Variants in CDK19 observed in about 807,000 individuals in gnomAD.
The protein encoded by CDK19 is cyclin dependent kinase 19.
CDK19 carries 20 observed loss-of-function variants against 68.3 expected under a neutral mutation model. That is an observed-to-expected ratio of 0.29 (90% CI 0.21 to 0.43). CDK19 has a LOEUF of 0.43. CDK19 is among the 20% of genes least tolerant of loss of function. The probability of loss-of-function intolerance (pLI) is 1.00; values close to 1 mark genes in which losing one functional copy is unlikely to be tolerated. For synonymous variants in CDK19, 221 were observed against 222.8 expected (o/e 0.99, Z 0.07); for missense variants, 339 against 623.5 (o/e 0.54, Z 4.86).
chr6:110,664,721 A>G (rs544715431), intron 4 of CDK19, among the ~76,000 whole-genome samples: 2 of 152,286 alleles, frequency 1.3e-5, no homozygotes, highest in African/African-American at 4.8e-5. Context: ...AGATGTTCTA[A>G]GAGATCTCTA....
intron 1 of CDK19, among the ~76,000 whole-genome samples, chr6:110,775,394 C>G (rs1780328924): frequency 6.6e-6 from 1 of 152,082 alleles, no homozygotes; most frequent in Non-Finnish European, 1.5e-5. Context: ...TAAAAACAGA[C>G]CTAGAAGAGG....
chr6:110,733,071 T>A (rs2114806103), intron 2 of CDK19, among the ~76,000 whole-genome samples: 1 of 152,226 alleles, frequency 6.6e-6, no homozygotes, highest in South Asian at 2.1e-4. Context: ...AACATTTTCA[T>A]TACCCTGTAA....
intron 4 of CDK19, among the ~76,000 whole-genome samples, chr6:110,655,830 C>T (rs1781278168): frequency 6.6e-6 from 1 of 152,162 alleles, no homozygotes; most frequent in South Asian, 2.1e-4. Flanking sequence ...CTTTCTTTAA[C>T]AAAAACCTGA....
At chr6:110,692,635 A>G (rs1773108876) in intron 2 of CDK19, among the ~76,000 whole-genome samples, 2 of 152,306 alleles carry the variant, frequency 1.3e-5, no homozygotes, top group South Asian at 4.1e-4. Flanking sequence ...AGAAGCACAA[A>G]GAACTCCTGG....
chr6:110,629,860 A>T (rs147320907), intron 6 of CDK19, among the ~76,000 whole-genome samples: 1 of 152,328 alleles, frequency 6.6e-6, no homozygotes, highest in East Asian at 1.9e-4. Context: ...ATTAGTGATT[A>T]TGTTTTTATC....
At chr6:110,678,231 C>T (rs1410143530) in intron 2 of CDK19, among the ~76,000 whole-genome samples, 1 of 152,008 alleles carries the variant, frequency 6.6e-6, no homozygotes, top group Non-Finnish European at 1.5e-5. Context: ...TAAGTGATCT[C>T]ATCTAGTCTG....
chr6:110,734,506 A>C (rs1777041224), intron 2 of CDK19, among the ~76,000 whole-genome samples: 1 of 73,194 alleles, frequency 1.4e-5, no homozygotes, highest in Admixed American at 1.9e-4. Context: ...GATAAAACTA[A>C]GAGGGTGAGC....
At chr6:110,729,260 G>T (rs1776569144) in intron 2 of CDK19, among the ~76,000 whole-genome samples, 1 of 152,052 alleles carries the variant, frequency 6.6e-6, no homozygotes, top group African/African-American at 2.4e-5. Context: ...ACCATTGCTT[G>T]TAGAACTAAA....
At position 110,763,957 on chromosome 6, in the gene CDK19, G is replaced by A. The variant is rs1267789946; in HGVS notation, c.129-17756C>T. On this transcript the variant is annotated intron_variant, in intron 1 of 12. Coordinates refer to ENST00000368911, the MANE Select transcript of CDK19 (RefSeq NM_015076.5). ...AAGTCAATTGTTTTATTATATACCA[G>A]CAATAAAAAATTGCAGTTGGAAATT... Among the ~76,000 whole-genome samples, 4 of 151,944 alleles carry A rather than the reference G, an allele frequency of 2.6e-5. No homozygotes were observed. In the East Asian group the frequency reaches 7.7e-4, roughly 29 times the overall value.
At chr6:110,648,542 T>C (rs990313871) in intron 4 of CDK19, among the ~76,000 whole-genome samples, 12 of 143,624 alleles carry the variant, frequency 8.4e-5, no homozygotes, top group Non-Finnish European at 1.4e-4. Flanking sequence ...TCTTTTCTTT[T>C]TTTTTTTTTT....
intron 12 of CDK19, among the ~76,000 whole-genome samples, chr6:110,619,022 GA>G (rs1308867444): frequency 2.0e-5 from 3 of 152,142 alleles, no homozygotes; most frequent in Non-Finnish European, 1.5e-5. Context: ...AGAGTGAAAG[GA>G]AAGTTTTTCC....
rs75226189 is a variant in CDK19 at position 110,683,877 on chromosome 6, A to AT, written c.205-13337dup. The stretch of plus-strand genomic sequence containing the variant: ...CCACCATGTCTAGCTCATTTTTTGT[A>AT]TTTTTTTTTTTTTTAGTGGAGATGG... On this transcript the variant is annotated intron_variant, in intron 2 of 12. Coordinates refer to ENST00000368911, the MANE Select transcript of CDK19 (RefSeq NM_015076.5). Among the ~76,000 whole-genome samples the AT allele has an allele frequency of 2.8e-3, 373 of 131,760 alleles. 1 individual carries two copies. The highest frequency in any genetic ancestry group is 5.0e-3 in the African/African-American group (179 of 35,688). 86.4% of individuals were successfully genotyped at this position (131,760 alleles called of 152,430 possible). A position where few individuals can be genotyped will look rare whatever the true frequency, so the allele number is the denominator to read the frequency against.
chr6:110,646,755 G>A (rs1256097635), intron 4 of CDK19, among the ~76,000 whole-genome samples: 2 of 152,124 alleles, frequency 1.3e-5, no homozygotes, highest in Non-Finnish European at 2.9e-5. Flanking sequence ...CTGTTCCACT[G>A]CGCACGGTTG....
chr6:110,622,657 T>C (rs192016478), intron 10 of CDK19, among the ~76,000 whole-genome samples, 158 bp downstream of exon 10: 204 of 152,332 alleles, frequency 1.3e-3, no homozygotes, highest in East Asian at 8.9e-3. Context: ...CTCTGCAGCT[T>C]TGCCTGTTTC....
chr6:110,633,236 G>C (rs1779558328), intron 5 of CDK19, among the ~76,000 whole-genome samples: 1 of 151,862 alleles, frequency 6.6e-6, no homozygotes, highest in Admixed American at 6.6e-5. Context: ...ACAAACAAGA[G>C]ACAGAGCAAG....
chr6:110,675,555 A>G (rs1338032777), intron 2 of CDK19, among the ~76,000 whole-genome samples: 2 of 138,794 alleles, frequency 1.4e-5, no homozygotes, highest in African/African-American at 5.3e-5. Context: ...TGAACCTGGG[A>G]GGCGGAAGTT....
At chr6:110,739,708 G>A (rs557673662) in intron 2 of CDK19, among the ~76,000 whole-genome samples, 4 of 151,358 alleles carry the variant, frequency 2.6e-5, no homozygotes, top group Non-Finnish European at 5.9e-5. Context: ...GTAACTCACT[G>A]TAACCTCTAA....
intron 4 of CDK19, among the ~76,000 whole-genome samples, chr6:110,648,700 C>T (rs1289413882): frequency 6.6e-6 from 1 of 151,744 alleles, no homozygotes; most frequent in Non-Finnish European, 1.5e-5. Context: ...GCCACCACAC[C>T]TGGCTAATTT....
intron 4 of CDK19, among the ~76,000 whole-genome samples, chr6:110,653,600 G>T (rs1054705837): frequency 6.6e-6 from 1 of 152,178 alleles, no homozygotes; most frequent in Non-Finnish European, 1.5e-5. Context: ...GGCAAGAGTT[G>T]GATGCCTCAC....
Sources: allele counts gnomAD v4.1 joint callset (sites outside exome capture counted in the v4.1 genomes callset), GRCh38; gene constraint gnomAD v4.1.1; transcripts MANE v1.5; gene names NCBI Gene and HGNC (gene_info 2026-07-23, HGNC 2026-07-21).